The following HDAC9 variants were observed in gnomAD, a reference collection of about 807,000 sequenced individuals.
HDAC9 encodes MEF-2 interacting transcription repressor (MITR) protein.
In HDAC9, 41 loss-of-function variants were observed where a neutral mutation model predicts 139.4. The ratio of observed to expected loss-of-function variants is 0.29; its 90% confidence interval spans 0.23 to 0.38. The LOEUF is 0.38. HDAC9 is among the 10% of genes least tolerant of loss of function. The pLI is 1.00. For missense variants in HDAC9, 1,147 were observed against 1,297.0 expected, an observed-to-expected ratio of 0.88 and a Z score of 1.78; for synonymous variants, 517 against 476.2, an observed-to-expected ratio of 1.09 and a Z score of -1.12.
chr7:18,257,236 A>G (rs1264962767), intron 2 of HDAC9, among the ~76,000 whole-genome samples: 1 of 150,756 alleles, frequency 6.6e-6, no homozygotes, highest in African/African-American at 2.4e-5. Flanking sequence ...GCACTTTAGG[A>G]GGCCTAAGTG....
intron 2 of HDAC9, among the ~76,000 whole-genome samples, chr7:18,257,154 A>T (rs534164138): frequency 1.3e-4 from 19 of 150,922 alleles, no homozygotes; most frequent in African/African-American, 4.6e-4. Flanking sequence ...GTATAAATAT[A>T]TAAATGTAAC....
intron 11 of HDAC9, among the ~76,000 whole-genome samples, chr7:18,658,373 T>C (rs10276216): frequency 0.13 from 19,625 of 152,126 alleles, 1,851 homozygotes; most frequent in East Asian, 0.4. Flanking sequence ...GGAACACTTA[T>C]TGAAGTTACT....
chr7:18,804,788 A>G (rs963506251), intron 17 of HDAC9, among the ~76,000 whole-genome samples: 1 of 152,070 alleles, frequency 6.6e-6, no homozygotes, highest in African/African-American at 2.4e-5. Flanking sequence ...GATTGATGGA[A>G]GATTCTTTTC....
At chr7:18,833,790 T>C (rs1202971375) in intron 19 of HDAC9, among the ~76,000 whole-genome samples, 1 of 152,174 alleles carries the variant, frequency 6.6e-6, no homozygotes, top group Non-Finnish European at 1.5e-5. Context: ...AAAGGATTAT[T>C]GTATGTCTAC....
chr7:18,419,800 G>A (rs987775052), intron 1 of HDAC9, among the ~76,000 whole-genome samples: 13 of 151,882 alleles, frequency 8.6e-5, no homozygotes, highest in African/African-American at 2.2e-4. Flanking sequence ...AAGCCTTCTG[G>A]TTTCTTTGTG....
intron 6 of HDAC9, among the ~76,000 whole-genome samples, chr7:18,629,011 A>C (rs1781513220): frequency 6.6e-6 from 1 of 152,158 alleles, no homozygotes; most frequent in African/African-American, 2.4e-5. Flanking sequence ...AAGTATAATA[A>C]ATCTTACTGT....
chr7:18,935,126 A>G (rs1781534809), intron 22 of HDAC9, among the ~76,000 whole-genome samples: 1 of 152,190 alleles, frequency 6.6e-6, no homozygotes, highest in Non-Finnish European at 1.5e-5. Flanking sequence ...CTGATCTCCC[A>G]CAAGGAGGAG....
At chr7:18,798,582 C>T (rs541234114) in intron 17 of HDAC9, among the ~76,000 whole-genome samples, 1 of 152,294 alleles carries the variant, frequency 6.6e-6, no homozygotes, top group South Asian at 2.1e-4. Context: ...TCCTTCAAAG[C>T]CTCAATCCTA....
intron 2 of HDAC9, among the ~76,000 whole-genome samples, chr7:18,514,502 A>G (rs1035805027): frequency 3.3e-5 from 5 of 152,262 alleles, no homozygotes; most frequent in African/African-American, 1.2e-4. Flanking sequence ...AATTTCAGTT[A>G]AGCACAATAA....
In HDAC9 at chr7:18,514,351, A is replaced by C. The variant is rs982361821; in HGVS notation, c.22+18027A>C. Reference sequence around the variant, plus strand: ...AATGAAGATTATTATTTGATTGTTTATCAGAAATATAAAGTTGTATCGTTA... The same window carrying C: ...AATGAAGATTATTATTTGATTGTTTCTCAGAAATATAAAGTTGTATCGTTA... On this transcript the variant is annotated intron_variant, in intron 2 of 25. Coordinates refer to ENST00000686413, the MANE Select transcript of HDAC9 (RefSeq NM_178425.4). Among the ~76,000 whole-genome samples, 99 of 152,218 alleles carry C rather than the reference A, an allele frequency of 6.5e-4. 1 individual carries two copies. The highest frequency in any genetic ancestry group is 8.8e-4 in the Non-Finnish European group (60 of 68,036).
chr7:18,707,927 G>A (rs1160964519), intron 12 of HDAC9, among the ~76,000 whole-genome samples: 3 of 151,770 alleles, frequency 2.0e-5, no homozygotes, highest in African/African-American at 7.3e-5. Flanking sequence ...AGCGATGAGA[G>A]CATTTTTGTA....
In HDAC9 at chr7:18,799,038, A is replaced by AACAC. The variant is rs1491338239; in HGVS notation, c.2322+5587_2322+5588insCACA. On this transcript the variant is annotated intron_variant, in intron 17 of 25. Coordinates refer to ENST00000686413, the MANE Select transcript of HDAC9 (RefSeq NM_178425.4). ...TGGCTAAATATTTAAAATGTGCCCT[A>AACAC]AGACACACACACACACACACACACA... Among the ~76,000 whole-genome samples the AACAC allele has an allele frequency of 3.5e-4, 50 of 143,634 alleles. 1 individual carries two copies. The highest frequency in any genetic ancestry group is 8.7e-4 in the African/African-American group (33 of 38,134). 94.2% of individuals were successfully genotyped at this position (143,634 alleles called of 152,430 possible).
chr7:18,540,257 T>C (rs987951522), intron 2 of HDAC9, among the ~76,000 whole-genome samples: 3 of 103,670 alleles, frequency 2.9e-5, no homozygotes, highest in African/African-American at 1.2e-4. Context: ...TGGGCAACAA[T>C]AGTGAAACTC....
chr7:18,964,196 C>A (rs1783705274), intron 24 of HDAC9, among the ~76,000 whole-genome samples: 1 of 152,164 alleles, frequency 6.6e-6, no homozygotes, highest in Non-Finnish European at 1.5e-5. Flanking sequence ...ACCCAACTTA[C>A]CTTCTTTCAG....
intron 2 of HDAC9, among the ~76,000 whole-genome samples, chr7:18,536,246 A>G (rs1810858336): frequency 3.9e-5 from 6 of 152,288 alleles, no homozygotes; most frequent in Middle Eastern, 3.4e-3. Flanking sequence ...CCCTGGAAGG[A>G]TGAAGCTCCA....
At chr7:18,436,856 A>G (rs1791248476) in intron 1 of HDAC9, among the ~76,000 whole-genome samples, 1 of 152,134 alleles carries the variant, frequency 6.6e-6, no homozygotes, top group Non-Finnish European at 1.5e-5. Context: ...AAATAATGGG[A>G]TTGCTGGTCC....
chr7:18,499,650 G>A (rs941649113), intron 2 of HDAC9, among the ~76,000 whole-genome samples: 1 of 152,154 alleles, frequency 6.6e-6, no homozygotes. Context: ...TTGGGCAGCA[G>A]AGCTGTCCAG....
chr7:18,729,645 C>A (rs963193252), intron 13 of HDAC9, among the ~76,000 whole-genome samples: 1 of 151,414 alleles, frequency 6.6e-6, no homozygotes, highest in Non-Finnish European at 1.5e-5. Context: ...CCTGATCATT[C>A]AAACAAAGAC....
At chr7:18,267,226 T>C (rs529592616) in intron 2 of HDAC9, among the ~76,000 whole-genome samples, 1 of 152,274 alleles carries the variant, frequency 6.6e-6, no homozygotes, top group South Asian at 2.1e-4. Context: ...TTGAAACATG[T>C]ATACATTGTG....
Sources: allele counts gnomAD v4.1 joint callset (sites outside exome capture counted in the v4.1 genomes callset), GRCh38; gene constraint gnomAD v4.1.1; transcripts MANE v1.5; gene names NCBI Gene and HGNC (gene_info 2026-07-23, HGNC 2026-07-21).